Variants in GOLGA6L10 observed in about 807,000 individuals in gnomAD.
GOLGA6L10 encodes the protein golgin subfamily A member 6-like protein 10.
A neutral mutation model predicts 56.9 loss-of-function variants in GOLGA6L10; 4 were observed. The observed-to-expected ratio is 0.07, with a 90% CI of 0.03 to 0.16. The LOEUF (loss-of-function observed/expected upper bound fraction) is 0.16. Ranked by LOEUF, GOLGA6L10 falls within the 10% of genes least tolerant of loss-of-function variation. The pLI, the probability that GOLGA6L10 is intolerant of heterozygous loss-of-function variation, is 1.00. For synonymous variants in GOLGA6L10, 11 were observed against 220.9 expected (o/e 0.05, Z 8.43); for missense variants, 34 against 558.3 (o/e 0.06, Z 9.46).
chr15:82,342,317 T>C lies in GOLGA6L10; in HGVS notation c.*459A>G, dbSNP rs1299303297. ...CAGCAGAACATAAGGAAATTTTATCTGAATTCCGTAATGAATATACAGGCT... is the reference window on the plus strand; with the variant it reads ...CAGCAGAACATAAGGAAATTTTATCCGAATTCCGTAATGAATATACAGGCT... On this transcript the variant is annotated 3_prime_UTR_variant, in exon 9 of 9. Coordinates refer to ENST00000610657, the MANE Select transcript of GOLGA6L10 (RefSeq NM_001164465.3). 4.7e-6 allele frequency: 1 copy of C among 213,184 alleles called. No individual in the cohort carries two copies. Among genetic ancestry groups the C allele is most frequent in the East Asian group, 1.5e-4 (1 of 6,836 alleles). The allele number at this position is 213,184 out of a possible 1,614,324, so 13.2% of individuals were successfully genotyped here. A position where few individuals can be genotyped will look rare whatever the true frequency, so the allele number is the denominator to read the frequency against.
In GOLGA6L10 at chr15:82,344,984, CA is replaced by C; in HGVS notation, c.875del (p.Leu292ArgfsTer49). On this transcript the variant is annotated frameshift_variant, in exon 6 of 9. Transcript: ENST00000610657. LOFTEE classifies it high-confidence loss of function. ...EERLCEQEER[L>X]CEQEERLREQ... ...CACGTAGCCTCTCCTCCTGTTCACA[CA>C]GCCTCTCCTCCTGTTCACATAGCCT... 5.3e-5 allele frequency: 31 copies of C among 588,750 alleles called. No individual in the cohort carries two copies. Among genetic ancestry groups the C allele is most frequent in the South Asian group, 4.3e-4 (9 of 21,086 alleles). The allele number at this position is 588,750 out of a possible 1,614,324, so 36.5% of individuals were successfully genotyped here.
intron 1 of GOLGA6L10, among the ~76,000 whole-genome samples, chr15:82,348,207 A>G (rs1178571927): frequency 2.0e-5 from 3 of 152,130 alleles, no homozygotes; most frequent in African/African-American, 7.2e-5. Flanking sequence ...AGGGAAAATG[A>G]TGCTTCAGAA....
chr15:82,344,321 T>C lies in GOLGA6L10; in HGVS notation c.1273A>G (p.Asn425Asp), dbSNP rs2075661467. Residue 425 changes from asparagine (N) to aspartate (D), a missense_variant and splice_region_variant, in exon 7 of 9, where the codon AAC (asparagine) becomes GAC (aspartate). Transcript: ENST00000610657. ...TGCAGTGTGCTCTTGTTCTCGTTGTTCTGGACAGAGAGAAGCAATCAGTGG... is the reference window on the plus strand; with the variant it reads ...TGCAGTGTGCTCTTGTTCTCGTTGTCCTGGACAGAGAGAAGCAATCAGTGG... ...AEPRSGFEEL[N>D]NENKSTLQLE... 6.4e-7 allele frequency: 1 copy of C among 1,562,740 alleles called. No homozygotes were observed. The highest frequency in any genetic ancestry group is 8.6e-7 in the Non-Finnish European group (1 of 1,157,464).
At position 82,345,422 on chromosome 15, in the gene GOLGA6L10, T is replaced by A. The variant is rs1341866620; in HGVS notation, c.438A>T (p.Glu146Asp). 1 of 1,600,348 alleles carries A rather than the reference T, an allele frequency of 6.2e-7. No individual in the cohort carries two copies. The highest frequency in any genetic ancestry group is 1.1e-5 in the South Asian group (1 of 90,728). Reference sequence around the variant, plus strand: ...CTGCTGGGGGCTCTGGGGCCAGGGGTTCAGCTGAGAAAGCAAGCAGAGAAT... The same window carrying A: ...CTGCTGGGGGCTCTGGGGCCAGGGGATCAGCTGAGAAAGCAAGCAGAGAAT... ...SLFKLKNQTAEPLAPEPPAGP... is the reference protein window; with the variant it reads ...SLFKLKNQTADPLAPEPPAGP... The change falls in exon 6 of 9, where the codon GAA becomes GAT. Residue 146 changes from glutamate to aspartate, a missense_variant. Coordinates refer to ENST00000610657, the MANE Select transcript of GOLGA6L10 (RefSeq NM_001164465.3).
chr15:82,347,955 A>G (rs1406565580), intron 1 of GOLGA6L10, among the ~76,000 whole-genome samples: 2 of 152,246 alleles, frequency 1.3e-5, no homozygotes, highest in Admixed American at 1.3e-4. Flanking sequence ...CAGGAACTGT[A>G]GGCCGTGTGG....
At position 82,340,755 on chromosome 15, in the gene GOLGA6L10, A is replaced by G. The variant is rs1278473751; in HGVS notation, c.*2021T>C. On this transcript the variant is annotated 3_prime_UTR_variant, in exon 9 of 9. Transcript: ENST00000610657. ...CTTAAACATATGACAAAATACCTAC[A>G]CAGAGAGTGGTATTTGAGTTAATAT... 6 of 150,004 alleles carry G rather than the reference A, an allele frequency of 4.0e-5. No homozygotes were observed. The allele number at this position is 150,004 out of a possible 1,614,324, so 9.3% of individuals were successfully genotyped here. A position where few individuals can be genotyped will look rare whatever the true frequency, so the allele number is the denominator to read the frequency against.
chr15:82,348,219 G>A, intron 1 of GOLGA6L10, among the ~76,000 whole-genome samples: 1 of 152,198 alleles, frequency 6.6e-6, no homozygotes, highest in South Asian at 2.1e-4. Context: ...GCTTCAGAAA[G>A]ATGTCCCGCA....
At chr15:82,347,883 G>C (rs1392797544) in intron 1 of GOLGA6L10, among the ~76,000 whole-genome samples, 3 of 152,282 alleles carry the variant, frequency 2.0e-5, no homozygotes, top group Admixed American at 6.5e-5. Context: ...GTTTTGCCAT[G>C]AATCAGCAGC....
chr15:82,342,900 TG>T lies in GOLGA6L10; in HGVS notation c.1444del (p.Gln482ArgfsTer6). On this transcript the variant is annotated frameshift_variant, in exon 9 of 9. Coordinates refer to ENST00000610657, the MANE Select transcript of GOLGA6L10 (RefSeq NM_001164465.3). LOFTEE classifies it high-confidence loss of function. The part of the protein sequence containing the change: ...WMCGQAGWTP[Q>X]EHPGLSGEAV... Reference sequence around the variant, plus strand: ...TTCTCCACTCAAGCCTGGGTGCTCCTGGGGAGTCCTGCATTAGAGGAAGCAG... The same window carrying T: ...TTCTCCACTCAAGCCTGGGTGCTCCTGGGAGTCCTGCATTAGAGGAAGCAG... 6.2e-7 allele frequency: 1 copy of T among 1,605,428 alleles called. No individual in the cohort carries two copies.
At position 82,345,090 on chromosome 15, in the gene GOLGA6L10, A is replaced by C. The variant is rs199519664; in HGVS notation, c.770T>G (p.Leu257Arg). ...ACACAGCCTCTCCTCCTGTTCACGT[A>C]GCCTCTCCTCCTGTTCACACAGCCT... ...EERLCEQEER[L>R]REQEERLCEQ... Residue 257 changes from leucine to arginine, a missense_variant, in exon 6 of 9, where the codon CTA (leucine) becomes CGA (arginine). Coordinates refer to ENST00000610657, the MANE Select transcript of GOLGA6L10 (RefSeq NM_001164465.3). 5.7e-6 allele frequency: 3 copies of C among 526,872 alleles called. No individual in the cohort carries two copies. The highest frequency in any genetic ancestry group is 2.3e-5 in the South Asian group (1 of 42,662). 32.6% of individuals were successfully genotyped at this position (526,872 alleles called of 1,614,324 possible).
intron 7 of GOLGA6L10, among the ~76,000 whole-genome samples, chr15:82,344,054 G>C (rs1320834306): frequency 6.6e-6 from 1 of 150,448 alleles, no homozygotes; most frequent in Non-Finnish European, 1.5e-5. Flanking sequence ...ATGATGTCCA[G>C]ACCTGGGAGG....
At chr15:82,348,240 GGC>G (rs2075699744) in intron 1 of GOLGA6L10, among the ~76,000 whole-genome samples, 1 of 151,640 alleles carries the variant, frequency 6.6e-6, no homozygotes, top group African/African-American at 2.4e-5. Flanking sequence ...TTTATCCTGT[GGC>G]ACTCAAAGTA....
chr15:82,345,411 G>C lies in GOLGA6L10; in HGVS notation c.449C>G (p.Pro150Arg). 6.2e-7 allele frequency: 1 copy of C among 1,601,502 alleles called. No homozygotes were observed. The highest frequency in any genetic ancestry group is 8.5e-7 in the Non-Finnish European group (1 of 1,179,150). The change falls in exon 6 of 9, where the codon CCA (proline) becomes CGA (arginine). Residue 150 changes from proline (P) to arginine (R), a missense_variant. Pro to Arg is a moderately radical substitution (Grantham distance 103, BLOSUM62 -2). Transcript: ENST00000610657. ...LKNQTAEPLA[P>R]EPPAGPSKVE... ...CTTAGATGGCCCTGCTGGGGGCTCT[G>C]GGGCCAGGGGTTCAGCTGAGAAAGC...
rs1282337987 is a variant in GOLGA6L10, at chr15:82,340,261, T to C, written c.*2515A>G. 315 of 151,616 alleles carry C rather than the reference T, an allele frequency of 2.1e-3. 10 individuals carry two copies. Among genetic ancestry groups the C allele is most frequent in the Non-Finnish European group, 2.9e-3 (194 of 67,820 alleles). 9.4% of individuals were successfully genotyped at this position (151,616 alleles called of 1,614,324 possible). ...ATTCGTATTTTAAAATGTTTTAAAT[T>C]ATTTTAAGACATTAATTTAACAGTT... On this transcript the variant is annotated 3_prime_UTR_variant, in exon 9 of 9. Coordinates refer to ENST00000610657, the MANE Select transcript of GOLGA6L10 (RefSeq NM_001164465.3).
At position 82,340,673 on chromosome 15, in the gene GOLGA6L10, C is replaced by T. The variant is rs2075637640; in HGVS notation, c.*2103G>A. 6.6e-6 allele frequency: 1 copy of T among 150,986 alleles called. No individual in the cohort carries two copies. The highest frequency in any genetic ancestry group is 2.4e-5 in the African/African-American group (1 of 41,370). 9.4% of individuals were successfully genotyped at this position (150,986 alleles called of 1,614,324 possible). ...ATGAGGTACTGCAAGAGACTGCATG[C>T]ACTTTGAAGAAAGACTTGAGTTATT... On this transcript the variant is annotated 3_prime_UTR_variant, in exon 9 of 9. Transcript: ENST00000610657.
rs1403346416 is a variant in GOLGA6L10 at position 82,340,267 on chromosome 15, A to G, written c.*2509T>C. Reference sequence around the variant, plus strand: ...ATTTTAAAATGTTTTAAATTATTTTAAGACATTAATTTAACAGTTACATTT... The same window carrying G: ...ATTTTAAAATGTTTTAAATTATTTTGAGACATTAATTTAACAGTTACATTT... On this transcript the variant is annotated 3_prime_UTR_variant, in exon 9 of 9. Transcript: ENST00000610657. 3.3e-5 allele frequency: 5 copies of G among 151,424 alleles called. No individual in the cohort carries two copies. The highest frequency in any genetic ancestry group is 7.4e-5 in the Non-Finnish European group (5 of 67,802). The allele number at this position is 151,424 out of a possible 1,614,324, so 9.4% of individuals were successfully genotyped here.
Position 82,346,948 on chromosome 15 carries a change from G to A in GOLGA6L10, c.205-62C>T. The A allele has an allele frequency of 2.8e-6, 4 of 1,409,338 alleles. No individual in the cohort carries two copies. The South Asian group carries it at 3.7e-5, about 13-fold the overall frequency. 87.3% of individuals were successfully genotyped at this position (1,409,338 alleles called of 1,614,324 possible). On this transcript the variant is annotated intron_variant, in intron 2 of 8. Coordinates refer to ENST00000610657, the MANE Select transcript of GOLGA6L10 (RefSeq NM_001164465.3). Reference sequence around the variant, plus strand: ...CCCCCCCTCACTGTCTAAGCCCTCTGACTTCCTTTCTTCCCCCATCAACTG... The same window carrying A: ...CCCCCCCTCACTGTCTAAGCCCTCTAACTTCCTTTCTTCCCCCATCAACTG...
Position 82,341,731 on chromosome 15 carries a change from C to T in GOLGA6L10, c.*1045G>A, listed in dbSNP as rs1340628791. 1 of 12,274 alleles carries T rather than the reference C, an allele frequency of 8.1e-5. No individual in the cohort carries two copies. The highest frequency in any genetic ancestry group is 1.2e-4 in the Non-Finnish European group (1 of 8,658). 0.8% of individuals were successfully genotyped at this position (12,274 alleles called of 1,614,324 possible). A position where few individuals can be genotyped will look rare whatever the true frequency, so the allele number is the denominator to read the frequency against. ...TCTTTACTAAATACATTAAGGAGAACGCCAACCAGTGCCCTTTTGTGTACT... is the reference window on the plus strand; with the variant it reads ...TCTTTACTAAATACATTAAGGAGAATGCCAACCAGTGCCCTTTTGTGTACT... On this transcript the variant is annotated 3_prime_UTR_variant, in exon 9 of 9. Coordinates refer to ENST00000610657, the MANE Select transcript of GOLGA6L10 (RefSeq NM_001164465.3).
chr15:82,342,272 T>C lies in GOLGA6L10; in HGVS notation c.*504A>G, dbSNP rs2075644642. 4.9e-6 allele frequency: 1 copy of C among 205,496 alleles called. No individual in the cohort carries two copies. Among genetic ancestry groups the C allele is most frequent in the African/African-American group, 2.4e-5 (1 of 41,628 alleles). 12.7% of individuals were successfully genotyped at this position (205,496 alleles called of 1,614,324 possible). On this transcript the variant is annotated 3_prime_UTR_variant, in exon 9 of 9. Coordinates refer to ENST00000610657, the MANE Select transcript of GOLGA6L10 (RefSeq NM_001164465.3). Reference sequence around the variant, plus strand: ...GAGCTAATGAAGAGCTCACTGTGATTAGGATTCGATCAAACATAACAGCAG... The same window carrying C: ...GAGCTAATGAAGAGCTCACTGTGATCAGGATTCGATCAAACATAACAGCAG...
Sources: allele counts gnomAD v4.1 joint callset (sites outside exome capture counted in the v4.1 genomes callset), GRCh38; gene constraint gnomAD v4.1.1; transcripts MANE v1.5; gene names NCBI Gene and HGNC (gene_info 2026-07-23, HGNC 2026-07-21).